The following PRELID2 variants were observed in gnomAD, a reference collection of about 807,000 sequenced individuals.
The protein encoded by PRELID2 is PRELI domain-containing protein 2.
Under a neutral mutation model 28.4 loss-of-function variants are expected in PRELID2, and 25 were observed. The ratio of observed to expected loss-of-function variants is 0.88; its 90% confidence interval spans 0.64 to 1.23. PRELID2 has a LOEUF of 1.23. PRELID2 is among the 50% of genes most tolerant of loss of function. The probability of loss-of-function intolerance (pLI) is 0.00; values close to 1 mark genes in which losing one functional copy is unlikely to be tolerated. For missense variants in PRELID2, 201 were observed against 214.4 expected, an observed-to-expected ratio of 0.94 and a Z score of 0.39; for synonymous variants, 76 against 71.6, an observed-to-expected ratio of 1.06 and a Z score of -0.31.
At chr5:145,407,851 C>T in the PRELID2 span, among the ~76,000 whole-genome samples, 5 of 152,212 alleles carry the variant, frequency 3.3e-5, no homozygotes, top group East Asian at 9.7e-4. Context: ...TCAAGAAAAC[C>T]AATCCACTAA....
At chr5:145,260,065 C>T in the PRELID2 span, among the ~76,000 whole-genome samples, 1 of 152,104 alleles carries the variant, frequency 6.6e-6, no homozygotes, top group African/African-American at 2.4e-5. Context: ...CACCTCCCCT[C>T]GCACTCTCTT....
chr5:145,628,734 T>C (rs905655982), intron 1 of PRELID2, among the ~76,000 whole-genome samples: 1 of 152,182 alleles, frequency 6.6e-6, no homozygotes, highest in Non-Finnish European at 1.5e-5. Flanking sequence ...GATCTGTGGT[T>C]ATTAACTGAG....
intron 1 of PRELID2, among the ~76,000 whole-genome samples, chr5:145,725,591 T>C (rs1016511403): frequency 1.3e-5 from 2 of 152,166 alleles, no homozygotes; most frequent in Non-Finnish European, 2.9e-5. Flanking sequence ...GTAAGATTCT[T>C]AAACGCTGGG....
chr5:145,712,026 C>T (rs1004376585), intron 1 of PRELID2, among the ~76,000 whole-genome samples: 2 of 152,190 alleles, frequency 1.3e-5, no homozygotes, highest in Non-Finnish European at 2.9e-5. Context: ...AGGGAGACTC[C>T]TGATGCTGCC....
At chr5:145,326,341 G>T in the PRELID2 span, among the ~76,000 whole-genome samples, 2 of 151,938 alleles carry the variant, frequency 1.3e-5, no homozygotes, top group African/African-American at 4.8e-5. Context: ...CCCCCAAATT[G>T]ATCAACGTGA....
At chr5:145,353,468 A>AAAAAGAAAAG in the PRELID2 span, among the ~76,000 whole-genome samples, 4 of 151,990 alleles carry the variant, frequency 2.6e-5, no homozygotes, top group East Asian at 2.0e-4. Flanking sequence ...ATCTCAAAAA[A>AAAAAGAAAAG]AAAAGAAAAG....
chr5:145,544,767 T>C (rs1358368150), intron 1 of PRELID2, among the ~76,000 whole-genome samples: 1 of 152,122 alleles, frequency 6.6e-6, no homozygotes, highest in African/African-American at 2.4e-5. Flanking sequence ...TCAAATTGTT[T>C]AGAATTTTTA....
At chr5:145,402,421 C>T in the PRELID2 span, among the ~76,000 whole-genome samples, 3 of 152,072 alleles carry the variant, frequency 2.0e-5, no homozygotes, top group Non-Finnish European at 4.4e-5. Flanking sequence ...AACATGTGCC[C>T]TTGGATTTAG....
chr5:145,730,980 C>A (rs1260775468), intron 1 of PRELID2, among the ~76,000 whole-genome samples: 1 of 152,164 alleles, frequency 6.6e-6, no homozygotes, highest in African/African-American at 2.4e-5. Context: ...TTCTGATAAG[C>A]CCCCTCACCC....
downstream of PRELID2, among the ~76,000 whole-genome samples, chr5:145,753,210 A>G (rs1053258196): frequency 1.3e-5 from 2 of 152,136 alleles, no homozygotes; most frequent in Non-Finnish European, 2.9e-5. Flanking sequence ...AGTTTAATTT[A>G]ACAGGATAGT....
chr5:145,819,521 T>G, intron 3 of PRELID2: 1 of 686,326 alleles, frequency 1.5e-6, no homozygotes, highest in African/African-American at 1.8e-5. Context: ...AACCTTATAC[T>G]CTGGGAAATA....
chr5:145,799,296 G>A (rs539403802), intron 4 of PRELID2, among the ~76,000 whole-genome samples: 3 of 148,186 alleles, frequency 2.0e-5, no homozygotes, highest in East Asian at 2.0e-4. Context: ...AAATGAAAGA[G>A]AAATTAAGAT....
the PRELID2 span, among the ~76,000 whole-genome samples, chr5:145,254,563 C>T: frequency 2.0e-5 from 3 of 151,894 alleles, no homozygotes; most frequent in African/African-American, 7.3e-5. Context: ...ATTCTGAGGG[C>T]AAAGCAAGAG....
At chr5:145,709,559 G>A (rs180820057) in intron 1 of PRELID2, among the ~76,000 whole-genome samples, 45 of 151,542 alleles carry the variant, frequency 3.0e-4, no homozygotes, top group African/African-American at 9.9e-4. Context: ...AGAAAAAGCA[G>A]GTTCTAGTCC....
chr5:145,739,941 A>C (rs1216337902), intron 1 of PRELID2, among the ~76,000 whole-genome samples: 1 of 119,284 alleles, frequency 8.4e-6, no homozygotes, highest in Non-Finnish European at 1.8e-5. Context: ...ACAAAGAAAA[A>C]AATAGGACAA....
the PRELID2 span, among the ~76,000 whole-genome samples, chr5:145,426,470 A>G: frequency 6.6e-6 from 1 of 152,164 alleles, no homozygotes; most frequent in East Asian, 1.9e-4. Context: ...TTTGAGGTAA[A>G]TTCCCCATGA....
intron 1 of PRELID2, among the ~76,000 whole-genome samples, chr5:145,488,125 A>G (rs573620676): frequency 0.018 from 2,682 of 147,804 alleles, 41 homozygotes; most frequent in Non-Finnish European, 0.028. Context: ...CTCTGTCTCA[A>G]AAAAAAAAAA....
chr5:145,619,094 C>G (rs914034276), intron 1 of PRELID2, among the ~76,000 whole-genome samples: 2 of 152,140 alleles, frequency 1.3e-5, no homozygotes, highest in African/African-American at 4.8e-5. Context: ...GAGAACTTGT[C>G]CCAGGCTACC....
At chr5:145,536,952 A>G (rs1752703958) in intron 1 of PRELID2, among the ~76,000 whole-genome samples, 2 of 151,804 alleles carry the variant, frequency 1.3e-5, no homozygotes, top group African/African-American at 4.8e-5. Flanking sequence ...TGGAAGAGAG[A>G]ATTTTAAAAA....
Sources: gnomAD v4.1 joint callset for allele counts (sites outside exome capture counted in the v4.1 genomes callset) on GRCh38, gnomAD v4.1.1 for gene constraint, MANE v1.5 for transcripts, NCBI Gene and HGNC (gene_info 2026-07-23, HGNC 2026-07-21) for gene names.